Variants in ZDHHC14 observed in about 807,000 individuals in gnomAD.
ZDHHC14 encodes palmitoyltransferase ZDHHC14.
In ZDHHC14, 16 loss-of-function variants were observed where a neutral mutation model predicts 47.7. The observed-to-expected ratio is 0.34, with a 90% confidence interval of 0.23 to 0.51. The LOEUF (loss-of-function observed/expected upper bound fraction) is 0.51. ZDHHC14 is among the 20% of genes least tolerant of loss of function. The probability of loss-of-function intolerance (pLI) is 0.97; values close to 1 mark genes in which losing one functional copy is unlikely to be tolerated. For missense variants in ZDHHC14, 515 were observed against 662.5 expected, an observed-to-expected ratio of 0.78 and a Z score of 2.44; for synonymous variants, 293 against 278.9, an observed-to-expected ratio of 1.05 and a Z score of -0.50.
At position 157,675,643 on chromosome 6, in the gene ZDHHC14, C is replaced by T. The variant is rs1252545229; in HGVS notation, c.*2521C>T. ...GCATCAGAGGAATGAGCGATGATGC[C>T]CCCTGGGGCGCCCACTTCTGTTTGT... On this transcript the variant is annotated 3_prime_UTR_variant, in exon 9 of 9. Transcript: ENST00000359775. The T allele has an allele frequency of 6.6e-6, 1 of 152,202 alleles. No homozygotes were observed. Among genetic ancestry groups the T allele is most frequent in the African/African-American group, 2.4e-5 (1 of 41,450 alleles). 9.4% of individuals were successfully genotyped at this position (152,202 alleles called of 1,614,324 possible). A position where few individuals can be genotyped will look rare whatever the true frequency, so the allele number is the denominator to read the frequency against.
chr6:157,483,761 C>T (rs190587099), intron 1 of ZDHHC14, among the ~76,000 whole-genome samples: 4 of 152,202 alleles, frequency 2.6e-5, no homozygotes, highest in Admixed American at 1.3e-4. Flanking sequence ...GGTAGGTGTG[C>T]ACACGCTTGC....
intron 1 of ZDHHC14, among the ~76,000 whole-genome samples, chr6:157,446,294 C>T (rs1745183111): frequency 6.6e-6 from 1 of 152,188 alleles, no homozygotes; most frequent in African/African-American, 2.4e-5. Context: ...CGAGCCTTCT[C>T]CACATAGCCA....
chr6:157,389,990 C>T (rs1777390360), intron 1 of ZDHHC14, among the ~76,000 whole-genome samples: 1 of 151,790 alleles, frequency 6.6e-6, no homozygotes, highest in African/African-American at 2.4e-5. Flanking sequence ...TTATATTTAT[C>T]TTCATGTATT....
At chr6:157,415,335 T>TA (rs35801526) in intron 1 of ZDHHC14, among the ~76,000 whole-genome samples, 3,313 of 151,628 alleles carry the variant, frequency 0.022, 131 homozygotes, top group African/African-American at 0.076. Flanking sequence ...GGAAGGTATT[T>TA]AAAAAAAAAT....
chr6:157,567,899 C>G (rs534792250), intron 2 of ZDHHC14, among the ~76,000 whole-genome samples: 29 of 152,228 alleles, frequency 1.9e-4, no homozygotes, highest in Non-Finnish European at 3.5e-4. Flanking sequence ...TGGACTCAGC[C>G]CCTTACAGCA....
intron 3 of ZDHHC14, among the ~76,000 whole-genome samples, chr6:157,599,184 G>T (rs562102820): frequency 1.3e-5 from 2 of 152,204 alleles, no homozygotes; most frequent in Non-Finnish European, 2.9e-5. Context: ...AGCAGAAGAG[G>T]AATGAACCAG....
At chr6:157,565,287 A>G (rs1357068591) in intron 2 of ZDHHC14, among the ~76,000 whole-genome samples, 7 of 152,198 alleles carry the variant, frequency 4.6e-5, no homozygotes, top group Non-Finnish European at 8.8e-5. Flanking sequence ...TAATCAGTCT[A>G]AGTAGAGAGG....
At chr6:157,443,590 G>A (rs189303628) in intron 1 of ZDHHC14, among the ~76,000 whole-genome samples, 20 of 152,356 alleles carry the variant, frequency 1.3e-4, no homozygotes, top group Admixed American at 1.2e-3. Context: ...ATGACTCACA[G>A]TGGCTGCCAT....
intron 3 of ZDHHC14, among the ~76,000 whole-genome samples, chr6:157,628,090 G>A (rs770941743): frequency 5.3e-5 from 8 of 152,178 alleles, no homozygotes; most frequent in Admixed American, 2.0e-4. Context: ...TTGCCCTCCT[G>A]TTTCTTTAAG....
intron 7 of ZDHHC14, among the ~76,000 whole-genome samples, chr6:157,652,173 T>C (rs1583076495): frequency 1.3e-5 from 2 of 152,288 alleles, no homozygotes; most frequent in East Asian, 1.9e-4. Flanking sequence ...CAGCTGGAAC[T>C]GAGGCAGAGA....
chr6:157,649,571 G>C (rs1777723623), intron 7 of ZDHHC14, among the ~76,000 whole-genome samples: 1 of 152,228 alleles, frequency 6.6e-6, no homozygotes, highest in African/African-American at 2.4e-5. Context: ...CCCACTGAGA[G>C]TGTCCCCTTC....
At chr6:157,450,998 TTGTGTGTG>T (rs34066002) in intron 1 of ZDHHC14, among the ~76,000 whole-genome samples, 5 of 147,526 alleles carry the variant, frequency 3.4e-5, no homozygotes, top group East Asian at 2.0e-4. Flanking sequence ...AAGTCTGGTC[TTGTGTGTG>T]TGTGTGTGTG....
chr6:157,541,792 C>T (rs1030167641), intron 1 of ZDHHC14, among the ~76,000 whole-genome samples: 2 of 149,498 alleles, frequency 1.3e-5, no homozygotes, highest in African/African-American at 2.5e-5. Context: ...CAGGCTGGCT[C>T]GTGTAGAGTT....
intron 1 of ZDHHC14, among the ~76,000 whole-genome samples, chr6:157,501,858 T>C (rs1450441181): frequency 1.3e-5 from 2 of 152,214 alleles, no homozygotes; most frequent in East Asian, 1.9e-4. Flanking sequence ...TTTAATTGAA[T>C]GATGCCTTAC....
rs1413499500 is a variant in ZDHHC14 at position 157,593,014 on chromosome 6, G to C, written c.433G>C (p.Gly145Arg). 1.2e-5 allele frequency: 19 copies of C among 1,613,928 alleles called. No individual in the cohort carries two copies. The highest frequency in any genetic ancestry group is 1.4e-5 in the Non-Finnish European group (16 of 1,179,942). The change falls in exon 3 of 9, where the codon GGG becomes CGG. Residue 145 changes from glycine (G) to arginine (R), a missense_variant. Coordinates refer to ENST00000359775, the MANE Select transcript of ZDHHC14 (RefSeq NM_024630.3). The part of the protein sequence containing the change: ...IDIANGTSSG[G>R]YRPPPRTKEV... Reference sequence around the variant, plus strand: ...TATCGCAAACGGCACCAGTTCAGGGGGGTACCGCCCGCCTCCCAGAACCAA... The same window carrying C: ...TATCGCAAACGGCACCAGTTCAGGGCGGTACCGCCCGCCTCCCAGAACCAA...
chr6:157,574,716 ACTT>A (rs1360121997), intron 2 of ZDHHC14, among the ~76,000 whole-genome samples: 1 of 152,076 alleles, frequency 6.6e-6, no homozygotes, highest in Non-Finnish European at 1.5e-5. Context: ...GAATGTATCT[ACTT>A]CTCTCCATCA....
intron 2 of ZDHHC14, among the ~76,000 whole-genome samples, chr6:157,572,955 G>A (rs892854994): frequency 2.0e-4 from 31 of 151,780 alleles, no homozygotes; most frequent in Non-Finnish European, 5.9e-5. Flanking sequence ...GGGGCTAGAG[G>A]GCCTATTTAA....
In ZDHHC14 at chr6:157,435,037, G is replaced by A. The variant is rs149447716; in HGVS notation, c.245+52771G>A. ...CATAATGCAGATTATTCAGACCATC[G>A]CTGAACACAGATCTCCATGGCTATG... On this transcript the variant is annotated intron_variant, in intron 1 of 8. Transcript: ENST00000359775. Among the ~76,000 whole-genome samples, 26 of 152,312 alleles carry A rather than the reference G, an allele frequency of 1.7e-4. No individual in the cohort carries two copies. The East Asian group carries it at 4.8e-3, about 28-fold the overall frequency.
intron 1 of ZDHHC14, among the ~76,000 whole-genome samples, chr6:157,488,927 A>G (rs1002220949): frequency 6.6e-6 from 1 of 152,048 alleles, no homozygotes; most frequent in African/African-American, 2.4e-5. Context: ...TTTAATTTCC[A>G]TAGATTAATT....
Sources: allele counts gnomAD v4.1 joint callset (sites outside exome capture counted in the v4.1 genomes callset), GRCh38; gene constraint gnomAD v4.1.1; transcripts MANE v1.5; gene names NCBI Gene and HGNC (gene_info 2026-07-23, HGNC 2026-07-21).